Variants in TMEM244 observed in about 807,000 individuals in gnomAD.
TMEM244 encodes the protein transmembrane protein 244.
A neutral mutation model predicts 15.8 loss-of-function variants in TMEM244; 13 were observed. That is an observed-to-expected ratio of 0.82 (90% CI 0.53 to 1.30). The LOEUF is 1.30. TMEM244 is among the 50% of genes most tolerant of loss of function. The probability of loss-of-function intolerance (pLI) is 0.00; values close to 1 mark genes in which losing one functional copy is unlikely to be tolerated. For synonymous variants in TMEM244, 45 were observed against 48.7 expected, an observed-to-expected ratio of 0.92 and a Z score of 0.32; for missense variants, 161 against 144.9, an observed-to-expected ratio of 1.11 and a Z score of -0.57.
At position 129,832,811 on chromosome 6, in the gene TMEM244, A is replaced by G. The variant is rs981810084; in HGVS notation, c.319+649T>C. ...GTTTTCTTCTGGCTCCAAAAATCAC[A>G]GGTAGAAATAAAAACCACTTAATCT... is the stretch of plus-strand genomic sequence containing the variant. On this transcript the variant is annotated intron_variant, in intron 4 of 4. Transcript: ENST00000368143. Among the ~76,000 whole-genome samples the G allele has an allele frequency of 5.9e-5, 9 of 152,316 alleles. No individual in the cohort carries two copies. In the East Asian group the frequency reaches 1.5e-3, roughly 26 times the overall value.
intron 4 of TMEM244, among the ~76,000 whole-genome samples, chr6:129,831,690 A>T (rs1192488279): frequency 1.3e-5 from 2 of 152,226 alleles, no homozygotes; most frequent in Non-Finnish European, 2.9e-5. Context: ...TAGTTCCCTC[A>T]GGAATTCCAA....
rs1032571568 is a variant in TMEM244, at chr6:129,859,395, G to A, written c.33+1761C>T. Among the ~76,000 whole-genome samples the A allele has an allele frequency of 5.3e-5, 8 of 152,192 alleles. No individual in the cohort carries two copies. In the South Asian group the frequency reaches 1.0e-3, roughly 20 times the overall value. ...ATCATGAGATATGACTCTCTCACTT[G>A]TAGAATCACAGCAAAGGCTCCGTCC... On this transcript the variant is annotated intron_variant, in intron 1 of 4. Transcript: ENST00000368143.
intron 3 of TMEM244, among the ~76,000 whole-genome samples, chr6:129,836,105 TC>T (rs1352716493): frequency 1.3e-5 from 2 of 152,022 alleles, no homozygotes; most frequent in African/African-American, 4.8e-5. Flanking sequence ...ACAGACTGCC[TC>T]CTCAAATGAG....
At chr6:129,861,062 C>G in intron 1 of TMEM244, 94 bp downstream of exon 1, 1 of 1,364,720 alleles carries the variant, frequency 7.3e-7, no homozygotes, top group South Asian at 1.2e-5. Flanking sequence ...AAACAAGTTG[C>G]CCACTGACAG....
intron 1 of TMEM244, among the ~76,000 whole-genome samples, chr6:129,852,856 T>G (rs974242168): frequency 6.6e-6 from 1 of 152,050 alleles, no homozygotes. Flanking sequence ...TGCAATCCAG[T>G]CTCAGCCTCT....
chr6:129,832,437 T>C (rs557628232), intron 4 of TMEM244, among the ~76,000 whole-genome samples: 1 of 152,022 alleles, frequency 6.6e-6, no homozygotes, highest in African/African-American at 2.4e-5. Context: ...GCACTGAAAA[T>C]ATGACAGTGA....
At chr6:129,836,103 C>A (rs570234705) in intron 3 of TMEM244, among the ~76,000 whole-genome samples, 1 of 152,286 alleles carries the variant, frequency 6.6e-6, no homozygotes, top group South Asian at 2.1e-4. Context: ...AGACAGACTG[C>A]CTCCTCAAAT....
chr6:129,844,784 C>T lies in TMEM244; in HGVS notation c.119+983G>A, dbSNP rs564951632. Among the ~76,000 whole-genome samples, 23 of 152,312 alleles carry T rather than the reference C, an allele frequency of 1.5e-4. 1 individual carries two copies. In the South Asian group the frequency reaches 4.8e-3, roughly 32 times the overall value. ...GCACGTGAGCGCCAGATACTTCCTC[C>T]GTGGGCTTGCCTGCAAGCATGCTGA... On this transcript the variant is annotated intron_variant, in intron 2 of 4. Coordinates refer to ENST00000368143, the MANE Select transcript of TMEM244 (RefSeq NM_001010876.2).
intron 1 of TMEM244, among the ~76,000 whole-genome samples, chr6:129,859,709 T>C (rs1584195080): frequency 6.6e-6 from 1 of 152,250 alleles, no homozygotes; most frequent in East Asian, 1.9e-4. Context: ...TGGCCATGAC[T>C]CTTTCCCTTG....
intron 4 of TMEM244, among the ~76,000 whole-genome samples, chr6:129,833,080 A>G (rs969346250): frequency 2.0e-5 from 3 of 152,180 alleles, no homozygotes; most frequent in Non-Finnish European, 2.9e-5. Flanking sequence ...TAATACAAAT[A>G]AAGTTTAGCT....
intron 1 of TMEM244, among the ~76,000 whole-genome samples, chr6:129,859,182 A>G (rs1428519608): frequency 6.6e-6 from 1 of 152,194 alleles, no homozygotes; most frequent in African/African-American, 2.4e-5. Context: ...AGTGTGTGAC[A>G]TTGGCTGGTT....
At chr6:129,860,104 CGTGT>C (rs757397083) in intron 1 of TMEM244, among the ~76,000 whole-genome samples, 10,850 of 140,540 alleles carry the variant, frequency 0.077, 561 homozygotes, top group South Asian at 0.17. Context: ...CTCTGCAATG[CGTGT>C]GTGTGTGTGT....
chr6:129,844,235 C>T (rs1023373911), intron 2 of TMEM244, among the ~76,000 whole-genome samples: 2 of 152,150 alleles, frequency 1.3e-5, no homozygotes, highest in Admixed American at 1.3e-4. Flanking sequence ...TTTTGTCCAC[C>T]TTGTCATCTT....
chr6:129,858,510 C>G (rs1776750402), intron 1 of TMEM244, among the ~76,000 whole-genome samples: 1 of 152,164 alleles, frequency 6.6e-6, no homozygotes, highest in African/African-American at 2.4e-5. Context: ...CACTCCACCC[C>G]TCACTGCAGG....
At chr6:129,844,877 G>T (rs544854225) in intron 2 of TMEM244, among the ~76,000 whole-genome samples, 1 of 152,082 alleles carries the variant, frequency 6.6e-6, no homozygotes, top group Non-Finnish European at 1.5e-5. Flanking sequence ...GTATTAATTC[G>T]CATATTGAAA....
At chr6:129,831,769 G>C (rs1776331592) in intron 4 of TMEM244, among the ~76,000 whole-genome samples, 1 of 152,188 alleles carries the variant, frequency 6.6e-6, no homozygotes, top group African/African-American at 2.4e-5. Flanking sequence ...CCACATGTTA[G>C]ATCATTAACT....
chr6:129,852,217 T>C (rs988692407), intron 1 of TMEM244, among the ~76,000 whole-genome samples: 18 of 152,202 alleles, frequency 1.2e-4, no homozygotes, highest in African/African-American at 4.1e-4. Flanking sequence ...TTTACTTTTT[T>C]GGTAATAATT....
At chr6:129,855,553 T>C (rs1776694384) in intron 1 of TMEM244, among the ~76,000 whole-genome samples, 1 of 152,196 alleles carries the variant, frequency 6.6e-6, no homozygotes, top group Non-Finnish European at 1.5e-5. Flanking sequence ...ACATAGAGTT[T>C]ATATTCAGAT....
intron 1 of TMEM244, among the ~76,000 whole-genome samples, chr6:129,853,472 T>C (rs1266127963): frequency 6.6e-6 from 1 of 152,092 alleles, no homozygotes; most frequent in Admixed American, 6.6e-5. Context: ...CCTTTTTTTT[T>C]TACACTCCTA....
Sources: allele counts gnomAD v4.1 joint callset (sites outside exome capture counted in the v4.1 genomes callset), GRCh38; gene constraint gnomAD v4.1.1; transcripts MANE v1.5; gene names NCBI Gene and HGNC (gene_info 2026-07-23, HGNC 2026-07-21).